The following HFM1 variants were observed in gnomAD, a reference collection of about 807,000 sequenced individuals.
HFM1 encodes helicase for meiosis 1, also known as probable ATP-dependent DNA helicase HFM1.
A neutral mutation model predicts 192.1 loss-of-function variants in HFM1; 169 were observed. The ratio of observed to expected loss-of-function variants is 0.88; its 90% CI spans 0.78 to 1.00. The LOEUF (loss-of-function observed/expected upper bound fraction) is 1.00. HFM1 is among the 50% of genes least tolerant of loss of function. The pLI, the probability that HFM1 is intolerant of heterozygous loss-of-function variation, is 0.00. For missense variants in HFM1, 1,661 were observed against 1,668.0 expected (o/e 1.00, Z 0.07); for synonymous variants, 525 against 537.8 (o/e 0.98, Z 0.33).
In HFM1 at chr1:91,313,394, G is replaced by A. The variant is rs1650755047; in HGVS notation, c.3346C>T (p.His1116Tyr). 6.3e-7 allele frequency: 1 copy of A among 1,593,548 alleles called. No individual in the cohort carries two copies. Among genetic ancestry groups the A allele is most frequent in the Non-Finnish European group, 8.6e-7 (1 of 1,164,888 alleles). ...MQRKSETQIS[H>Y]SKHSDISTIA... ...GTAGATATGTCTGAATGTTTAGAATGGGAAATCTGTGTTTCAGATTTTCTT... is the reference window on the plus strand; with the variant it reads ...GTAGATATGTCTGAATGTTTAGAATAGGAAATCTGTGTTTCAGATTTTCTT... The change falls in exon 30 of 39, where the codon CAT (histidine) becomes TAT (tyrosine). Residue 1116 changes from histidine to tyrosine, a missense_variant. Physicochemically the swap from His to Tyr is moderately conservative, Grantham distance 83. Transcript: ENST00000370425.
intron 13 of HFM1, among the ~76,000 whole-genome samples, chr1:91,366,652 T>C (rs145159743): frequency 0.02 from 3,073 of 152,300 alleles, 54 homozygotes; most frequent in Non-Finnish European, 0.025. Context: ...GGAGCCAAGA[T>C]GGACAAATAG....
chr1:91,322,425 A>G (rs1324858139), intron 23 of HFM1, among the ~76,000 whole-genome samples: 6 of 152,206 alleles, frequency 3.9e-5, no homozygotes, highest in African/African-American at 1.4e-4. Context: ...AAACAGTATC[A>G]TTGCATTTGT....
At chr1:91,346,461 C>T (rs1656158761) in intron 19 of HFM1, among the ~76,000 whole-genome samples, 1 of 152,124 alleles carries the variant, frequency 6.6e-6, no homozygotes, top group Admixed American at 6.5e-5. Flanking sequence ...TTGGTTATGA[C>T]CATGTTTTAA....
intron 27 of HFM1, 45 bp downstream of exon 27, chr1:91,316,056 T>C (rs1651161018): frequency 6.7e-7 from 1 of 1,487,390 alleles, no homozygotes; most frequent in African/African-American, 1.4e-5. Context: ...GGTAGCTTTA[T>C]TTCTGAAAAG....
At chr1:91,353,652 C>CCAAAAAAAAAAAAAAAAAAAA (rs1553213573) in intron 13 of HFM1, among the ~76,000 whole-genome samples, 1 of 65,428 alleles carries the variant, frequency 1.5e-5, no homozygotes, top group African/African-American at 5.1e-5. Flanking sequence ...AGTAAATAAG[C>CCAAAAAAAAAAAAAAAAAAAA]AAAAAAAAAA....
chr1:91,386,841 A>G (rs1373420898), intron 4 of HFM1, among the ~76,000 whole-genome samples: 1 of 152,224 alleles, frequency 6.6e-6, no homozygotes, highest in Non-Finnish European at 1.5e-5. Flanking sequence ...AAGCTACCAG[A>G]TAAGACAGTT....
intron 11 of HFM1, among the ~76,000 whole-genome samples, chr1:91,376,904 T>A (rs1660973091): frequency 6.6e-6 from 1 of 151,810 alleles, no homozygotes; most frequent in Admixed American, 6.6e-5. Context: ...AGTTAATTCA[T>A]TCTAGAAGTT....
chr1:91,278,005 T>C (rs969697225), intron 30 of HFM1, among the ~76,000 whole-genome samples: 1 of 144,740 alleles, frequency 6.9e-6, no homozygotes, highest in African/African-American at 2.5e-5. Flanking sequence ...GGGCCAAATA[T>C]GGCCACATAT....
chr1:91,293,115 G>C (rs1668974872), intron 30 of HFM1, among the ~76,000 whole-genome samples: 1 of 152,134 alleles, frequency 6.6e-6, no homozygotes, highest in Non-Finnish European at 1.5e-5. Flanking sequence ...AGAAAACCTA[G>C]GCATTACCAT....
intron 30 of HFM1, among the ~76,000 whole-genome samples, chr1:91,289,549 C>T (rs1668465800): frequency 6.6e-6 from 1 of 152,134 alleles, no homozygotes; most frequent in Non-Finnish European, 1.5e-5. Flanking sequence ...AAGAACACGC[C>T]ACTGCACTCC....
intron 30 of HFM1, among the ~76,000 whole-genome samples, chr1:91,292,236 C>T (rs1304448319): frequency 6.8e-6 from 1 of 146,752 alleles, no homozygotes; most frequent in Non-Finnish European, 1.5e-5. Context: ...AAAGAGTATT[C>T]GATTAGGAAA....
chr1:91,382,387 T>C (rs1248863655), intron 6 of HFM1, among the ~76,000 whole-genome samples: 1 of 152,104 alleles, frequency 6.6e-6, no homozygotes, highest in African/African-American at 2.4e-5. Context: ...CCCACCCTCA[T>C]CCCAAGAATG....
intron 21 of HFM1, among the ~76,000 whole-genome samples, chr1:91,323,771 T>C (rs985602359): frequency 6.6e-6 from 1 of 152,206 alleles, no homozygotes; most frequent in Non-Finnish European, 1.5e-5. Context: ...AAACTCAAGA[T>C]CAGATGAGTT....
intron 13 of HFM1, among the ~76,000 whole-genome samples, chr1:91,361,348 C>T (rs1161569577): frequency 6.6e-6 from 1 of 151,938 alleles, no homozygotes; most frequent in Non-Finnish European, 1.5e-5. Context: ...CAAATAAACA[C>T]AATCAGAAAT....
At position 91,324,781 on chromosome 1, in the gene HFM1, A is replaced by G; in HGVS notation, c.2336-15T>C. 7.2e-7 allele frequency: 1 copy of G among 1,385,222 alleles called. No homozygotes were observed. The highest frequency in any genetic ancestry group is 1.0e-6 in the Non-Finnish European group (1 of 972,686). The allele number at this position is 1,385,222 out of a possible 1,614,324, so 85.8% of individuals were successfully genotyped here. ...TCTTCCTGCTTCTGTAAGAAAAGACAGAAAAATGAACGGTCCCCTCATCAG... is the reference window on the plus strand; with the variant it reads ...TCTTCCTGCTTCTGTAAGAAAAGACGGAAAAATGAACGGTCCCCTCATCAG... On this transcript the variant is annotated splice_polypyrimidine_tract_variant and intron_variant, in intron 20 of 38. Coordinates refer to ENST00000370425, the MANE Select transcript of HFM1 (RefSeq NM_001017975.6).
chr1:91,351,594 T>C lies in HFM1; in HGVS notation c.2027A>G (p.Asp676Gly). The C allele has an allele frequency of 6.2e-7, 1 of 1,603,622 alleles. No homozygotes were observed. Among genetic ancestry groups the C allele is most frequent in the Admixed American group, 1.7e-5 (1 of 58,044 alleles). Reference sequence around the variant, plus strand: ...ACAAGCTAACATCTGAATGTACTTGTCCCTTGTGCTTAATCGAGTCATGAT... The same window carrying C: ...ACAAGCTAACATCTGAATGTACTTGCCCCTTGTGCTTAATCGAGTCATGAT... ...AVIMTRLSTR[D>G]KYIQMLACRD... The change falls in exon 17 of 39, where the codon GAC becomes GGC. Residue 676 changes from aspartate to glycine, a missense_variant. Transcript: ENST00000370425.
At chr1:91,385,386 T>C (rs1662073329) in intron 5 of HFM1, 152 bp from the exon 6 acceptor site, 1 of 756,630 alleles carries the variant, frequency 1.3e-6, no homozygotes, top group African/African-American at 1.8e-5. Context: ...TAAAAATATT[T>C]TTAGCACACA....
At chr1:91,295,855 T>C (rs1363230094) in intron 30 of HFM1, among the ~76,000 whole-genome samples, 1 of 152,240 alleles carries the variant, frequency 6.6e-6, no homozygotes, top group Non-Finnish European at 1.5e-5. Flanking sequence ...TTATTGTTTT[T>C]CTTTCACATT....
intron 20 of HFM1, chr1:91,338,852 G>A (rs1216394314): frequency 2.2e-6 from 1 of 447,784 alleles, no homozygotes; most frequent in Non-Finnish European, 4.5e-6. Flanking sequence ...AGCCACTGTT[G>A]GCATTACACA....
Sources: allele counts gnomAD v4.1 joint callset (sites outside exome capture counted in the v4.1 genomes callset), GRCh38; gene constraint gnomAD v4.1.1; transcripts MANE v1.5; gene names NCBI Gene and HGNC (gene_info 2026-07-23, HGNC 2026-07-21).